Variants in RNF213 observed in about 807,000 individuals in gnomAD.
RNF213 encodes the protein ring finger protein 213.
A neutral mutation model predicts 514.4 loss-of-function variants in RNF213; 341 were observed. That is an observed-to-expected ratio of 0.66 (90% CI 0.61 to 0.73). RNF213 has a LOEUF of 0.73. Among genes scored for constraint, RNF213 ranks in the 30% least tolerant of loss-of-function variants. RNF213 has a pLI of 0.00. For missense variants in RNF213, 5,767 were observed against 6,615.6 expected (o/e 0.87, Z 4.45); for synonymous variants, 2,655 against 2,658.2 (o/e 1.00, Z 0.04).
chr17:80,354,000 C>G lies in RNF213; in HGVS notation c.10579-19C>G. On this transcript the variant is annotated intron_variant, in intron 34 of 67. Transcript: ENST00000582970. The surrounding 1 kb of genome is among the most constrained non-coding windows in gnomAD (Gnocchi z 5.0). ...GTGTCAGTGGCAGAAACGGATGACCCAACCGTCTCCACCAACAGGTGTCGA... is the reference window on the plus strand; with the variant it reads ...GTGTCAGTGGCAGAAACGGATGACCGAACCGTCTCCACCAACAGGTGTCGA... The G allele has an allele frequency of 6.2e-7, 1 of 1,613,552 alleles. No individual in the cohort carries two copies. Among genetic ancestry groups the G allele is most frequent in the Non-Finnish European group, 8.5e-7 (1 of 1,180,008 alleles).
At chr17:80,324,659 T>C (rs573113260) in intron 17 of RNF213, among the ~76,000 whole-genome samples, 9 of 152,314 alleles carry the variant, frequency 5.9e-5, no homozygotes, top group African/African-American at 2.2e-4. Flanking sequence ...AAAAGAATTA[T>C]GGTTTAGGAA....
intron 46 of RNF213, 146 bp downstream of exon 46, chr17:80,370,013 G>C: frequency 4.2e-6 from 3 of 711,298 alleles, no homozygotes; most frequent in East Asian, 5.3e-5. Flanking sequence ...CTGGTTACTT[G>C]TACTGGTTGT....
intron 3 of RNF213, among the ~76,000 whole-genome samples, chr17:80,282,886 T>TG (rs1219838915): frequency 6.6e-6 from 1 of 150,676 alleles, no homozygotes; most frequent in African/African-American, 2.4e-5. Flanking sequence ...TTAGTAGAGA[T>TG]GGGGTTTCCC....
chr17:80,296,593 C>T (rs998675894), intron 10 of RNF213, among the ~76,000 whole-genome samples: 5 of 152,220 alleles, frequency 3.3e-5, no homozygotes, highest in African/African-American at 9.7e-5. Context: ...ACTCTCTCTG[C>T]GTGTGTTGAT....
chr17:80,328,006 TA>T lies in RNF213; in HGVS notation c.3367+18del. 1 of 1,537,090 alleles carries T rather than the reference TA, an allele frequency of 6.5e-7. No individual in the cohort carries two copies. The highest frequency in any genetic ancestry group is 1.2e-5 in the South Asian group (1 of 84,056). On this transcript the variant is annotated intron_variant, in intron 19 of 67. Transcript: ENST00000582970. ...GGCAACTGAGTAAGCATCGAGTCGA[TA>T]CGCACTTCAGGCTCCTGAGGCATTA...
rs1366682795 is a variant in RNF213 at position 80,380,982 on chromosome 17, TC to T, written c.13795del (p.Gln4599ArgfsTer3). 2.5e-6 allele frequency: 4 copies of T among 1,614,210 alleles called. No individual in the cohort carries two copies. In the South Asian group the frequency reaches 4.4e-5, roughly 18 times the overall value. On this transcript the variant is annotated frameshift_variant, in exon 56 of 68. Transcript: ENST00000582970. LOFTEE classifies it high-confidence loss of function. Reference sequence around the variant, plus strand: ...TCTGCTTCTGGGAGCGTCCCAGAGTTCCCAGGTATAACCCAGTGCTGCCAAA... The same window carrying T: ...TCTGCTTCTGGGAGCGTCCCAGAGTTCCAGGTATAACCCAGTGCTGCCAAA... ...LALLLGASQS[S>X]QALINIIKPP...
intron 35 of RNF213, 73 bp downstream of exon 35, chr17:80,354,239 G>A: frequency 1.3e-6 from 2 of 1,556,642 alleles, no homozygotes; most frequent in South Asian, 2.2e-5. Flanking sequence ...TCATTTCACT[G>A]TGTGTTGGGG....
Position 80,339,353 on chromosome 17 carries a change from G to C in RNF213, c.4986G>C (p.Glu1662Asp), listed in dbSNP as rs1463076680. Residue 1662 changes from glutamate (E) to aspartate (D), a missense_variant, in exon 26 of 68, where the codon GAG becomes GAC. This residue lies in a region of RNF213 where 1,377 missense variants were observed against 1,635.2 expected (regional missense o/e 0.84). Transcript: ENST00000582970. ...ACTTTGGCTTGGACCTGGTGACGGA[G>C]CTTAAAGAAGGTGGAGATGTCACTG... ...QMDFGLDLVT[E>D]LKEGGDVTEL... 6.5e-7 allele frequency: 1 copy of C among 1,537,158 alleles called. No individual in the cohort carries two copies. Among genetic ancestry groups the C allele is most frequent in the South Asian group, 1.2e-5 (1 of 84,068 alleles).
chr17:80,345,688 G>A lies in RNF213; in HGVS notation c.7353G>A (p.Val2451=), dbSNP rs750434761. 6.8e-6 allele frequency: 11 copies of A among 1,614,140 alleles called. No individual in the cohort carries two copies. Among genetic ancestry groups the A allele is most frequent in the African/African-American group, 2.7e-5 (2 of 74,942 alleles). The change falls in exon 29 of 68, where the codon GTG becomes GTA. Residue 2451 remains valine (V), a synonymous_variant. Transcript: ENST00000582970. This position sits in a 1 kb window ranked among gnomAD's most constrained non-coding sequence, Gnocchi z 6.0. ...CTGACACCATAAAGCTGGTCAAGGT[G>A]CACGGAGGAACAACTGCAGACATGA... ...TNADTIKLVK[V]HGGTTADMIY... is the part of the protein sequence containing the mutation.
At chr17:80,262,952 G>T (rs951642780) in intron 1 of RNF213, among the ~76,000 whole-genome samples, 1 of 152,218 alleles carries the variant, frequency 6.6e-6, no homozygotes, top group Non-Finnish European at 1.5e-5. Flanking sequence ...GGGTGGGCCA[G>T]TGTGCCCTGA....
At position 80,262,383 on chromosome 17, in the gene RNF213, G is replaced by A. The variant is rs1270164872; in HGVS notation, c.-108-1191G>A. On this transcript the variant is annotated intron_variant, in intron 1 of 67. Coordinates refer to ENST00000582970, the MANE Select transcript of RNF213 (RefSeq NM_001256071.3). Reference sequence around the variant, plus strand: ...AGACTGCAGAAGACAGATGATTGATGTTTTTATGGCATTGGGACAGGGGCT... The same window carrying A: ...AGACTGCAGAAGACAGATGATTGATATTTTTATGGCATTGGGACAGGGGCT... Among the ~76,000 whole-genome samples, 5 of 152,202 alleles carry A rather than the reference G, an allele frequency of 3.3e-5. 1 individual carries two copies. Among genetic ancestry groups the A allele is most frequent in the Admixed American group, 3.3e-4 (5 of 15,268 alleles).
chr17:80,309,131 C>T lies in RNF213; in HGVS notation c.2615C>T (p.Ala872Val), dbSNP rs1471984361. 6.2e-7 allele frequency: 1 copy of T among 1,614,206 alleles called. No individual in the cohort carries two copies. The highest frequency in any genetic ancestry group is 2.2e-5 in the East Asian group (1 of 44,892). Residue 872 changes from alanine (A) to valine (V), a missense_variant, in exon 14 of 68, where the codon GCC becomes GTC. Around this residue, in one of 13 missense-constraint regions of RNF213, gnomAD observed 592 missense variants for 673.9 expected, o/e 0.88. Coordinates refer to ENST00000582970, the MANE Select transcript of RNF213 (RefSeq NM_001256071.3). ...TTTTACGAGCTGCCAGCCTTATCTG[C>T]CGAGATTGTCTGCAGAATGATTAGA... is the stretch of plus-strand genomic sequence containing the variant. ...LKFYELPALSAEIVCRMIRLL... is the reference protein window; with the variant it reads ...LKFYELPALSVEIVCRMIRLL...
intron 36 of RNF213, among the ~76,000 whole-genome samples, chr17:80,356,937 G>A (rs546302954): frequency 5.0e-5 from 5 of 100,982 alleles, no homozygotes; most frequent in South Asian, 5.5e-4. Flanking sequence ...TTTTTTTTTC[G>A]AGACAGAGTC....
At chr17:80,318,800 C>T in intron 16 of RNF213, among the ~76,000 whole-genome samples, 1 of 152,172 alleles carries the variant, frequency 6.6e-6, no homozygotes. Context: ...GTCTCGATCT[C>T]CTGACCTCGT....
chr17:80,305,570 T>C (rs2045329009), intron 11 of RNF213, among the ~76,000 whole-genome samples: 1 of 152,076 alleles, frequency 6.6e-6, no homozygotes, highest in Admixed American at 6.6e-5. Context: ...TGAATTCTTA[T>C]TCCGTATTCT....
At position 80,371,975 on chromosome 17, in the gene RNF213, A is replaced by G. The variant is rs527844265; in HGVS notation, c.12527A>G (p.Asn4176Ser). 5.8e-5 allele frequency: 91 copies of G among 1,567,738 alleles called. 1 individual carries two copies. The East Asian group carries it at 1.4e-3, about 24-fold the overall frequency. ...ACTGAACTGTACATGCTCTTCATCA[A>G]CTGCCTGGAGGTAAGTGAACTCTCT... The part of the protein sequence containing the change: ...DKTELYMLFI[N>S]CLEDSILEKT... The change falls in exon 47 of 68, where the codon AAC (asparagine) becomes AGC (serine). Residue 4176 changes from asparagine (N) to serine (S), a missense_variant. Transcript: ENST00000582970.
At chr17:80,389,959 G>A (rs770451973) in intron 66 of RNF213, 42 bp downstream of exon 66, 10 of 1,612,320 alleles carry the variant, frequency 6.2e-6, no homozygotes, top group East Asian at 2.2e-5. Flanking sequence ...GAGGGACTGC[G>A]CTCCCTTCTC....
chr17:80,347,685 A>G lies in RNF213; in HGVS notation c.9350A>G (p.Asn3117Ser), dbSNP rs1568108455. ...NLYESLYDAL[N>S]QYYVHLGGQK... ...TACGAGAGCCTCTACGACGCACTCA[A>G]CCAGTACTACGTCCACCTCGGCGGC... Residue 3117 changes from asparagine to serine, a missense_variant, in exon 29 of 68, where the codon AAC becomes AGC. Asn to Ser is a conservative substitution (Grantham distance 46). Around this residue, in one of 13 missense-constraint regions of RNF213, gnomAD observed 919 missense variants for 1,121.0 expected, o/e 0.82. Transcript: ENST00000582970. This position sits in a 1 kb window ranked among gnomAD's most constrained non-coding sequence, Gnocchi z 7.2. 6.2e-7 allele frequency: 1 copy of G among 1,614,012 alleles called. No individual in the cohort carries two copies. Among genetic ancestry groups the G allele is most frequent in the Non-Finnish European group, 8.5e-7 (1 of 1,179,914 alleles).
Position 80,284,743 on chromosome 17 carries a change from C to T in RNF213, c.262-3072C>T, listed in dbSNP as rs534187419. ...CCACTGAGCCTCTCATCAGCTGTTT[C>T]CCGTTACTCCCTCGTGCCACACAGT... On this transcript the variant is annotated intron_variant, in intron 3 of 67. Transcript: ENST00000582970. 2.1e-3 allele frequency among the ~76,000 whole-genome samples: 322 copies of T among 152,254 alleles called. 3 individuals are homozygous for T. The highest frequency in any genetic ancestry group is 7.1e-3 in the African/African-American group (294 of 41,550).
Sources: allele counts gnomAD v4.1 joint callset (sites outside exome capture counted in the v4.1 genomes callset), GRCh38; gene constraint gnomAD v4.1.1; regional missense constraint gnomAD v4.1.1; non-coding constraint Gnocchi (gnomAD v3.1); transcripts MANE v1.5; gene names NCBI Gene and HGNC (gene_info 2026-07-23, HGNC 2026-07-21).